FANCD2: variants seen among roughly 807,000 people sequenced by gnomAD.
FANCD2 encodes the protein FA complementation group D2.
A neutral mutation model predicts 192.3 loss-of-function variants in FANCD2; 131 were observed. The observed-to-expected ratio is 0.68, with a 90% CI of 0.59 to 0.79. The LOEUF (loss-of-function observed/expected upper bound fraction) is 0.79, where lower values mean the gene tolerates loss of function less well. Ranked by LOEUF, FANCD2 falls within the 30% of genes least tolerant of loss-of-function variation. FANCD2 has a pLI of 0.00. For synonymous variants in FANCD2, 524 were observed against 612.5 expected, an observed-to-expected ratio of 0.86 and a Z score of 2.13; for missense variants, 1,508 against 1,701.6, an observed-to-expected ratio of 0.89 and a Z score of 2.00.
intron 32 of FANCD2, chr3:10,083,537 C>G (rs1693975434): frequency 1.3e-5 from 2 of 152,236 alleles, no homozygotes; most frequent in Admixed American, 1.3e-4. Context: ...GCTAGACATG[C>G]ACCTACCATG....
chr3:10,029,480 C>T (rs958932977), intron 2 of FANCD2, among the ~76,000 whole-genome samples: 5 of 151,996 alleles, frequency 3.3e-5, no homozygotes, highest in African/African-American at 1.2e-4. Context: ...CCAGCCTAGG[C>T]GACAGAGCAA....
At chr3:10,048,162 G>C in intron 16 of FANCD2, 111 bp downstream of exon 16, 1 of 1,449,280 alleles carries the variant, frequency 6.9e-7, no homozygotes, top group Non-Finnish European at 9.5e-7. Flanking sequence ...TCTGACCTGG[G>C]TCTCAAGAAA....
At position 10,085,793 on chromosome 3, in the gene FANCD2, C is replaced by G; in HGVS notation, c.3225-19C>G. 6.5e-7 allele frequency: 1 copy of G among 1,546,476 alleles called. No homozygotes were observed. The highest frequency in any genetic ancestry group is 1.7e-4 in the Middle Eastern group (1 of 5,920). Reference sequence around the variant, plus strand: ...TTTTCCAGAAACTAAGCTAACCCCTCTTACCTTGACTTCCTTAGGAGTGGA... The same window carrying G: ...TTTTCCAGAAACTAAGCTAACCCCTGTTACCTTGACTTCCTTAGGAGTGGA... On this transcript the variant is annotated intron_variant, in intron 32 of 43. Coordinates refer to ENST00000675286, the MANE Select transcript of FANCD2 (RefSeq NM_001018115.3).
At position 10,032,846 on chromosome 3, in the gene FANCD2, C is replaced by T. The variant is rs371451683; in HGVS notation, c.79C>T (p.Pro27Ser). Residue 27 changes from proline (P) to serine (S), a missense_variant, in exon 3 of 44, where the codon CCA becomes TCA. Around this residue, in one of 5 missense-constraint regions of FANCD2, gnomAD observed 435 missense variants for 421.9 expected, o/e 1.03. Coordinates refer to ENST00000675286, the MANE Select transcript of FANCD2 (RefSeq NM_001018115.3). ...TCTATTTTCAGAAACCAGGAAGCAACCACTTTCCAAAAAGACAAAGAAATC... is the reference window on the plus strand; with the variant it reads ...TCTATTTTCAGAAACCAGGAAGCAATCACTTTCCAAAAAGACAAAGAAATC... ...TEDASKTRKQ[P>S]LSKKTKKSHI... The T allele has an allele frequency of 6.2e-7, 1 of 1,613,014 alleles. No homozygotes were observed. Among genetic ancestry groups the T allele is most frequent in the South Asian group, 1.1e-5 (1 of 90,778 alleles).
rs2087243822 is a variant in FANCD2, at chr3:10,052,390, A to G, written c.1549A>G (p.Ile517Val). Residue 517 changes from isoleucine to valine, a missense_variant, in exon 18 of 44, where the codon ATT becomes GTT. Physicochemically the swap from Ile to Val is conservative, Grantham distance 29. Coordinates refer to ENST00000675286, the MANE Select transcript of FANCD2 (RefSeq NM_001018115.3). The stretch of plus-strand genomic sequence containing the variant: ...GTTGGCATCATTTTTTCCACAGGGC[A>G]TTTTAGATTATCTGGATAACATATC... ...MMMNAVFVKG[I>V]LDYLDNISPQ... 3.7e-6 allele frequency: 6 copies of G among 1,600,282 alleles called. No homozygotes were observed. Among genetic ancestry groups the G allele is most frequent in the Admixed American group, 1.7e-5 (1 of 59,986 alleles).
chr3:10,073,729 A>G (rs1459977176), intron 28 of FANCD2, among the ~76,000 whole-genome samples: 2 of 152,168 alleles, frequency 1.3e-5, no homozygotes, highest in African/African-American at 4.8e-5. Flanking sequence ...GGCCACATGG[A>G]TCCCAATTAT....
Position 10,093,237 on chromosome 3 carries a change from T to A in FANCD2, c.3850-48T>A, listed in dbSNP as rs757053371. The A allele has an allele frequency of 3.9e-6, 6 of 1,520,876 alleles. No homozygotes were observed. In the South Asian group the frequency reaches 6.7e-5, roughly 17 times the overall value. 94.2% of individuals were successfully genotyped at this position (1,520,876 alleles called of 1,614,324 possible). ...CGCAGCGGGAAAGAGGCTGGAGTGC[T>A]CAAAGGAGCAGATCTCAGCCTTGGT... On this transcript the variant is annotated intron_variant, in intron 38 of 43. Coordinates refer to ENST00000675286, the MANE Select transcript of FANCD2 (RefSeq NM_001018115.3).
intron 14 of FANCD2, 109 bp downstream of exon 14, chr3:10,043,973 C>T (rs1215626224): frequency 9.8e-6 from 9 of 917,526 alleles, no homozygotes; most frequent in Middle Eastern, 2.8e-4. Flanking sequence ...TCACTCTTCT[C>T]TCTCTTCCCT....
chr3:10,044,425 T>C (rs534581472), intron 14 of FANCD2, among the ~76,000 whole-genome samples: 38 of 151,850 alleles, frequency 2.5e-4, no homozygotes, highest in Non-Finnish European at 4.6e-4. Flanking sequence ...CCCAGCACTT[T>C]GGGAGGCTGA....
chr3:10,027,904 CAAA>C (rs145483323), intron 1 of FANCD2, among the ~76,000 whole-genome samples: 12 of 66,506 alleles, frequency 1.8e-4, no homozygotes, highest in Admixed American at 3.6e-4. Flanking sequence ...GACTCCGTCT[CAAA>C]AAAAAAAAAA....
At chr3:10,062,234 T>C in intron 20 of FANCD2, 23 bp downstream of exon 20, 1 of 1,606,108 alleles carries the variant, frequency 6.2e-7, no homozygotes, top group Non-Finnish European at 8.5e-7. Context: ...TTTCCTTTCT[T>C]TCTTTTTCCT....
chr3:10,066,837 TC>T (rs1299471746), intron 25 of FANCD2, among the ~76,000 whole-genome samples: 7 of 152,204 alleles, frequency 4.6e-5, no homozygotes, highest in African/African-American at 1.7e-4. Flanking sequence ...CAATTCTCCT[TC>T]TTCAGCCTCC....
intron 30 of FANCD2, among the ~76,000 whole-genome samples, chr3:10,078,555 C>G (rs1018567557): frequency 2.0e-5 from 3 of 151,778 alleles, no homozygotes; most frequent in South Asian, 2.1e-4. Context: ...GGGGTTTCAC[C>G]GTGTTAGCCA....
intron 32 of FANCD2, among the ~76,000 whole-genome samples, chr3:10,082,956 G>A (rs748786895): frequency 1.1e-4 from 16 of 152,188 alleles, no homozygotes; most frequent in East Asian, 1.9e-4. Flanking sequence ...GCCTGACATC[G>A]TGGCTTATGC....
chr3:10,076,600 T>C (rs974961154), intron 29 of FANCD2, among the ~76,000 whole-genome samples: 1 of 152,164 alleles, frequency 6.6e-6, no homozygotes, highest in Admixed American at 6.5e-5. Flanking sequence ...TGAAGTGCAG[T>C]GGCAAGATCA....
At chr3:10,053,826 CTG>C (rs2125014234) in intron 18 of FANCD2, among the ~76,000 whole-genome samples, 1 of 152,246 alleles carries the variant, frequency 6.6e-6, no homozygotes, top group African/African-American at 2.4e-5. Flanking sequence ...AACCATGAAA[CTG>C]TTCAGTTTCT....
At chr3:10,045,358 T>C (rs1047061485) in intron 14 of FANCD2, among the ~76,000 whole-genome samples, 3 of 151,920 alleles carry the variant, frequency 2.0e-5, no homozygotes, top group Non-Finnish European at 2.9e-5. Context: ...TTAGTGGAAA[T>C]GGGGCTTCAT....
intron 18 of FANCD2, among the ~76,000 whole-genome samples, chr3:10,059,126 A>G (rs1250255125): frequency 1.3e-5 from 2 of 151,842 alleles, no homozygotes; most frequent in African/African-American, 4.8e-5. Context: ...TGATCCTCCC[A>G]CCCCAGCCTT....
intron 26 of FANCD2, among the ~76,000 whole-genome samples, chr3:10,071,123 G>A (rs535736372): frequency 7.6e-5 from 7 of 92,054 alleles, no homozygotes; most frequent in South Asian, 6.3e-4. Flanking sequence ...AAGAATGATC[G>A]ATAAAAAAAA....
Sources: gnomAD v4.1 joint callset for allele counts (sites outside exome capture counted in the v4.1 genomes callset) on GRCh38, gnomAD v4.1.1 for gene constraint, gnomAD v4.1.1 regional missense constraint, MANE v1.5 for transcripts, NCBI Gene and HGNC (gene_info 2026-07-23, HGNC 2026-07-21) for gene names.